C14orf132: variants seen among roughly 807,000 people sequenced by gnomAD.
C14orf132 encodes the protein uncharacterized protein C14orf132.
Under a neutral mutation model 5.8 loss-of-function variants are expected in C14orf132, and 6 were observed. The ratio of observed to expected loss-of-function variants is 1.03; its 90% CI spans 0.57 to 2.04. The LOEUF is 2.04. Among genes scored for constraint, C14orf132 ranks in the 30% most tolerant of loss-of-function variants. The probability of loss-of-function intolerance (pLI) is 0.00; values close to 1 mark genes in which losing one functional copy is unlikely to be tolerated. For missense variants in C14orf132, 125 were observed against 115.8 expected (o/e 1.08, Z -0.37); for synonymous variants, 51 against 49.8 (o/e 1.02, Z -0.10).
intron 1 of C14orf132, among the ~76,000 whole-genome samples, chr14:96,055,954 G>A (rs1373924143): frequency 1.3e-5 from 2 of 152,192 alleles, no homozygotes; most frequent in African/African-American, 2.4e-5. Context: ...TCTGGGACTG[G>A]GTGGTACTTT....
chr14:96,077,044 A>G (rs904339137), intron 1 of C14orf132, among the ~76,000 whole-genome samples: 2 of 152,152 alleles, frequency 1.3e-5, no homozygotes, highest in African/African-American at 4.8e-5. Flanking sequence ...AAGCTTGTGA[A>G]GGTTTGCTTT....
At chr14:96,041,474 G>A (rs1322998413) in intron 1 of C14orf132, among the ~76,000 whole-genome samples, 2 of 152,246 alleles carry the variant, frequency 1.3e-5, no homozygotes, top group African/African-American at 4.8e-5. Context: ...GTACAGGACA[G>A]ATCTATTTCA....
Position 96,090,596 on chromosome 14 carries a change from C to A in C14orf132, c.*3861C>A. On this transcript the variant is annotated 3_prime_UTR_variant, in exon 2 of 2. Transcript: ENST00000555004. Reference sequence around the variant, plus strand: ...AGCCAATGCTGTCCTTCCCCTTTCCCATGAAATCAAGGTCAAGAGGCAAAT... The same window carrying A: ...AGCCAATGCTGTCCTTCCCCTTTCCAATGAAATCAAGGTCAAGAGGCAAAT... 1 of 455,988 alleles carries A rather than the reference C, an allele frequency of 2.2e-6. No homozygotes were observed. The highest frequency in any genetic ancestry group is 1.5e-5 in the South Asian group (1 of 64,546). The allele number at this position is 455,988 out of a possible 1,614,324, so 28.2% of individuals were successfully genotyped here.
chr14:96,080,699 G>C (rs1244447424), intron 1 of C14orf132, among the ~76,000 whole-genome samples: 2 of 152,170 alleles, frequency 1.3e-5, no homozygotes. Flanking sequence ...GGAGACTGTT[G>C]GGAAGGCAGG....
At chr14:96,076,489 C>A (rs1248463263) in intron 1 of C14orf132, among the ~76,000 whole-genome samples, 1 of 152,156 alleles carries the variant, frequency 6.6e-6, no homozygotes, top group Admixed American at 6.5e-5. Flanking sequence ...TTCCCCTCTT[C>A]CTAATTTCTT....
Position 96,090,262 on chromosome 14 carries a change from T to C in C14orf132, c.*3527T>C, listed in dbSNP as rs1169339605. On this transcript the variant is annotated 3_prime_UTR_variant, in exon 2 of 2. Transcript: ENST00000555004. ...CAAAAATTAACCAGACATTGTGGCATGTGCCTGTAATCCCAGCTACTCAGG... is the reference window on the plus strand; with the variant it reads ...CAAAAATTAACCAGACATTGTGGCACGTGCCTGTAATCCCAGCTACTCAGG... 1 of 174,530 alleles carries C rather than the reference T, an allele frequency of 5.7e-6. No individual in the cohort carries two copies. The highest frequency in any genetic ancestry group is 1.2e-5 in the Non-Finnish European group (1 of 83,174). 10.8% of individuals were successfully genotyped at this position (174,530 alleles called of 1,614,324 possible). A position where few individuals can be genotyped will look rare whatever the true frequency, so the allele number is the denominator to read the frequency against.
rs533504108 is a variant in C14orf132 at position 96,090,591 on chromosome 14, T to C, written c.*3856T>C. ...CTCCAAGCCAATGCTGTCCTTCCCCTTTCCCATGAAATCAAGGTCAAGAGG... is the reference window on the plus strand; with the variant it reads ...CTCCAAGCCAATGCTGTCCTTCCCCCTTCCCATGAAATCAAGGTCAAGAGG... On this transcript the variant is annotated 3_prime_UTR_variant, in exon 2 of 2. Transcript: ENST00000555004. The C allele has an allele frequency of 6.6e-6, 3 of 455,852 alleles. No homozygotes were observed. Among genetic ancestry groups the C allele is most frequent in the Non-Finnish European group, 1.3e-5 (3 of 226,774 alleles). The allele number at this position is 455,852 out of a possible 1,614,324, so 28.2% of individuals were successfully genotyped here.
intron 1 of C14orf132, among the ~76,000 whole-genome samples, chr14:96,079,389 C>T (rs75891465): frequency 0.22 from 33,475 of 152,144 alleles, 4,024 homozygotes; most frequent in Non-Finnish European, 0.27. Flanking sequence ...CCTGTGTTGC[C>T]TCTTTCTAGC....
chr14:96,069,655 C>A (rs1337487410), intron 1 of C14orf132, among the ~76,000 whole-genome samples: 3 of 152,084 alleles, frequency 2.0e-5, no homozygotes. Flanking sequence ...TTCAAAGGCC[C>A]AGGACTCAGA....
At chr14:96,073,678 A>T (rs1887777844) in intron 1 of C14orf132, among the ~76,000 whole-genome samples, 1 of 152,234 alleles carries the variant, frequency 6.6e-6, no homozygotes, top group Admixed American at 6.5e-5. Flanking sequence ...CAATCCCATT[A>T]TTGGGGCTAT....
At chr14:96,074,659 C>T (rs1232505604) in intron 1 of C14orf132, among the ~76,000 whole-genome samples, 1 of 151,694 alleles carries the variant, frequency 6.6e-6, no homozygotes. Flanking sequence ...TCCACTTGTT[C>T]CAGCATCATT....
Position 96,092,756 on chromosome 14 carries a change from C to T in C14orf132, c.*6021C>T, listed in dbSNP as rs939847831. 3 of 152,172 alleles carry T rather than the reference C, an allele frequency of 2.0e-5. No homozygotes were observed. Among genetic ancestry groups the T allele is most frequent in the South Asian group, 2.1e-4 (1 of 4,826 alleles). 9.4% of individuals were successfully genotyped at this position (152,172 alleles called of 1,614,324 possible). A position where few individuals can be genotyped will look rare whatever the true frequency, so the allele number is the denominator to read the frequency against. Reference sequence around the variant, plus strand: ...TCTTGAGCCCAGGACACCTAACTATCGAGTTTTCACTAGGAGACTTAGTGG... The same window carrying T: ...TCTTGAGCCCAGGACACCTAACTATTGAGTTTTCACTAGGAGACTTAGTGG... On this transcript the variant is annotated 3_prime_UTR_variant, in exon 2 of 2. Transcript: ENST00000555004.
chr14:96,059,243 G>T (rs969179984), intron 1 of C14orf132, among the ~76,000 whole-genome samples: 3 of 152,206 alleles, frequency 2.0e-5, no homozygotes, highest in African/African-American at 7.2e-5. Flanking sequence ...CATGATTGCA[G>T]CACTGCCCTC....
chr14:96,086,620 G>T lies in C14orf132; in HGVS notation c.137G>T (p.Gly46Val), dbSNP rs1234047155. Residue 46 changes from glycine to valine, a missense_variant, in exon 2 of 2, where the codon GGC becomes GTC. Transcript: ENST00000555004. ...GTCCACGCGGCTGCCAATGGCCAGGGCCAGCCGGAAGATCCTCCTCGGTCC... is the reference window on the plus strand; with the variant it reads ...GTCCACGCGGCTGCCAATGGCCAGGTCCAGCCGGAAGATCCTCCTCGGTCC... ...ANVHAAANGQGQPEDPPRSSN... is the reference protein window; with the variant it reads ...ANVHAAANGQVQPEDPPRSSN... The T allele has an allele frequency of 7.2e-6, 11 of 1,536,010 alleles. No homozygotes were observed. Among genetic ancestry groups the T allele is most frequent in the Non-Finnish European group, 8.7e-7 (1 of 1,146,918 alleles).
chr14:96,078,237 G>A (rs752403838), intron 1 of C14orf132, among the ~76,000 whole-genome samples: 20 of 152,240 alleles, frequency 1.3e-4, no homozygotes, highest in Non-Finnish European at 1.2e-4. Flanking sequence ...CATCGCAACC[G>A]TGGCAACACA....
At chr14:96,065,869 C>T (rs1887514999) in intron 1 of C14orf132, among the ~76,000 whole-genome samples, 2 of 152,292 alleles carry the variant, frequency 1.3e-5, no homozygotes. Context: ...TTCAAAGATG[C>T]TATCGAGTTA....
intron 1 of C14orf132, among the ~76,000 whole-genome samples, chr14:96,075,991 A>C (rs1887854151): frequency 2.0e-5 from 3 of 152,194 alleles, no homozygotes. Flanking sequence ...AATGTCTACA[A>C]CTTGTATTTT....
rs1378259021 is a variant in C14orf132 at position 96,087,560 on chromosome 14, G to C, written c.*825G>C. The C allele has an allele frequency of 1.3e-5, 2 of 152,168 alleles. No homozygotes were observed. The highest frequency in any genetic ancestry group is 3.9e-4 in the East Asian group (2 of 5,186). 9.4% of individuals were successfully genotyped at this position (152,168 alleles called of 1,614,324 possible). ...AATTATTCAACGGATGGGTCAGAAA[G>C]GGGGGTGATTTGCCTGTGGTCACCA... is the stretch of plus-strand genomic sequence containing the variant. On this transcript the variant is annotated 3_prime_UTR_variant, in exon 2 of 2. Transcript: ENST00000555004.
At chr14:96,085,938 T>A in intron 1 of C14orf132, among the ~76,000 whole-genome samples, 1 of 151,050 alleles carries the variant, frequency 6.6e-6, no homozygotes, top group East Asian at 2.2e-4. Context: ...TTAAATGTGT[T>A]TTCTCTCTGT....
Sources: gnomAD v4.1 joint callset for allele counts (sites outside exome capture counted in the v4.1 genomes callset) on GRCh38, gnomAD v4.1.1 for gene constraint, MANE v1.5 for transcripts, NCBI Gene and HGNC (gene_info 2026-07-23, HGNC 2026-07-21) for gene names.